The following FTO variants were observed in gnomAD, a reference collection of about 807,000 sequenced individuals.
FTO encodes FTO alpha-ketoglutarate dependent dioxygenase.
In FTO, 47 loss-of-function variants were observed where a neutral mutation model predicts 63.9. The observed-to-expected ratio is 0.74, with a 90% confidence interval of 0.58 to 0.94. The LOEUF (loss-of-function observed/expected upper bound fraction) is 0.94, where lower values mean the gene tolerates loss of function less well. Among genes scored for constraint, FTO ranks in the 40% least tolerant of loss-of-function variants. FTO has a pLI of 0.00. For synonymous variants in FTO, 207 were observed against 224.4 expected (o/e 0.92, Z 0.69); for missense variants, 562 against 618.1 (o/e 0.91, Z 0.96).
At chr16:54,102,953 G>C (rs2086669854) in intron 8 of FTO, among the ~76,000 whole-genome samples, 1 of 152,114 alleles carries the variant, frequency 6.6e-6, no homozygotes, top group African/African-American at 2.4e-5. Flanking sequence ...AGGAGTTTGA[G>C]ACCAACCTGT....
At chr16:53,738,228 G>A (rs145192413) in intron 1 of FTO, among the ~76,000 whole-genome samples, 23 of 152,134 alleles carry the variant, frequency 1.5e-4, no homozygotes, top group Non-Finnish European at 2.1e-4. Context: ...CTCCATGTTG[G>A]TCAGGCTGGT....
chr16:53,971,280 T>TA (rs2083311537), intron 8 of FTO, among the ~76,000 whole-genome samples: 1 of 152,250 alleles, frequency 6.6e-6, no homozygotes, highest in Admixed American at 6.5e-5. Context: ...ATTAGATCCT[T>TA]AGAATCTAAA....
At chr16:54,017,273 G>T (rs2084473020) in intron 8 of FTO, among the ~76,000 whole-genome samples, 1 of 152,162 alleles carries the variant, frequency 6.6e-6, no homozygotes, top group African/African-American at 2.4e-5. Context: ...CAGAAATGTA[G>T]ATTGAACCAA....
At chr16:53,724,949 G>A (rs74018191) in intron 1 of FTO, among the ~76,000 whole-genome samples, 2,644 of 152,184 alleles carry the variant, frequency 0.017, 39 homozygotes, top group Middle Eastern at 0.075. Flanking sequence ...AATTTTCTTA[G>A]GATCTGCTCA....
chr16:53,871,946 C>T (rs543886046), intron 4 of FTO, among the ~76,000 whole-genome samples: 2 of 152,106 alleles, frequency 1.3e-5, no homozygotes, highest in Middle Eastern at 3.4e-3. Context: ...AGGCTGGTCT[C>T]GAACTCCTGA....
At chr16:53,816,667 C>G (rs1227721695) in intron 2 of FTO, among the ~76,000 whole-genome samples, 1 of 152,160 alleles carries the variant, frequency 6.6e-6, no homozygotes, top group Non-Finnish European at 1.5e-5. Flanking sequence ...TTCTTCTGCT[C>G]TGATGTCACT....
chr16:53,704,008 A>T (rs933493044), upstream of FTO: 12 of 712,842 alleles, frequency 1.7e-5, no homozygotes, highest in Admixed American at 6.2e-5. Flanking sequence ...CCTGTGCTAA[A>T]TCCCGTGGCG....
chr16:53,900,400 G>A (rs531527791), intron 7 of FTO, among the ~76,000 whole-genome samples: 54 of 152,240 alleles, frequency 3.5e-4, no homozygotes, highest in African/African-American at 1.2e-3. Context: ...AGGGCAATGT[G>A]TTAAGACTCT....
chr16:53,908,631 G>A (rs772954305), intron 7 of FTO, among the ~76,000 whole-genome samples: 11 of 152,278 alleles, frequency 7.2e-5, no homozygotes, highest in East Asian at 1.9e-4. Flanking sequence ...GTCATGGCCC[G>A]TGGGTACTTT....
At chr16:53,942,806 G>A (rs888463736) in intron 8 of FTO, among the ~76,000 whole-genome samples, 3 of 152,190 alleles carry the variant, frequency 2.0e-5, no homozygotes, top group Admixed American at 6.5e-5. Flanking sequence ...TTGTGTCATC[G>A]GACCACGTCA....
chr16:54,098,630 G>A (rs2086566322), intron 8 of FTO, among the ~76,000 whole-genome samples: 1 of 152,234 alleles, frequency 6.6e-6, no homozygotes, highest in Admixed American at 6.5e-5. Flanking sequence ...CTGGCAGTCT[G>A]TCTGTCGGTC....
At chr16:53,737,074 A>G (rs2076405771) in intron 1 of FTO, among the ~76,000 whole-genome samples, 1 of 152,166 alleles carries the variant, frequency 6.6e-6, no homozygotes, top group Non-Finnish European at 1.5e-5. Flanking sequence ...AGTCCTTGGA[A>G]GGCAGGAACC....
intron 7 of FTO, among the ~76,000 whole-genome samples, chr16:53,910,697 G>C (rs974913168): frequency 6.6e-6 from 1 of 152,100 alleles, no homozygotes; most frequent in Admixed American, 6.5e-5. Flanking sequence ...CACCATGCTT[G>C]GCTAATTTTC....
chr16:54,103,346 T>C (rs1317491196), intron 8 of FTO, among the ~76,000 whole-genome samples: 1 of 152,108 alleles, frequency 6.6e-6, no homozygotes, highest in Non-Finnish European at 1.5e-5. Context: ...TATATACAAC[T>C]GGAAGTTAAG....
intron 8 of FTO, among the ~76,000 whole-genome samples, chr16:54,109,374 A>G (rs899906945): frequency 6.6e-6 from 1 of 152,138 alleles, no homozygotes; most frequent in Non-Finnish European, 1.5e-5. Flanking sequence ...TCTGTTGCCC[A>G]GGCTGGAGTG....
chr16:53,841,187 A>G (rs189357858), intron 3 of FTO, among the ~76,000 whole-genome samples: 9 of 151,410 alleles, frequency 5.9e-5, no homozygotes, highest in Admixed American at 5.9e-4. Context: ...CTGCTGAGCT[A>G]GGAGAAAGTT....
Position 54,090,868 on chromosome 16 carries a change from G to C in FTO, c.1365-20894G>C, listed in dbSNP as rs189042339. ...AAAAAGCTGGTTCTGCTGTGACTCT[G>C]AGATTTCTGGGCCTCTCTTTCTCCT... On this transcript the variant is annotated intron_variant, in intron 8 of 8. Transcript: ENST00000471389. Among the ~76,000 whole-genome samples the C allele has an allele frequency of 4.3e-4, 65 of 152,286 alleles. 1 individual carries two copies. In the East Asian group the frequency reaches 9.7e-3, roughly 23 times the overall value.
intron 7 of FTO, among the ~76,000 whole-genome samples, chr16:53,902,039 C>T (rs532790765): frequency 6.6e-6 from 1 of 152,236 alleles, no homozygotes; most frequent in South Asian, 2.1e-4. Flanking sequence ...TCATTGCTCC[C>T]CTAGAGAACA....
intron 8 of FTO, among the ~76,000 whole-genome samples, chr16:54,065,753 AT>A (rs1448676055): frequency 1.3e-5 from 2 of 152,158 alleles, no homozygotes; most frequent in Non-Finnish European, 2.9e-5. Flanking sequence ...TGGAAAAATT[AT>A]TTTGGTGATA....
Sources: gnomAD v4.1 joint callset for allele counts (sites outside exome capture counted in the v4.1 genomes callset) on GRCh38, gnomAD v4.1.1 for gene constraint, MANE v1.5 for transcripts, NCBI Gene and HGNC (gene_info 2026-07-23, HGNC 2026-07-21) for gene names.